Variants in ZNF667 observed in about 807,000 individuals in gnomAD.
ZNF667 encodes myocardial ischemic preconditioning upregulated 1 ortholog.
Under a neutral mutation model 31.8 loss-of-function variants are expected in ZNF667, and 13 were observed. The ratio of observed to expected loss-of-function variants is 0.41; its 90% CI spans 0.27 to 0.65. The LOEUF is 0.65. ZNF667 is among the 30% of genes least tolerant of loss of function. ZNF667 has a pLI of 0.32. For synonymous variants in ZNF667, 228 were observed against 247.1 expected, an observed-to-expected ratio of 0.92 and a Z score of 0.73; for missense variants, 642 against 725.6, an observed-to-expected ratio of 0.88 and a Z score of 1.32.
At chr19:56,473,248 G>A (rs2043331080) in intron 2 of ZNF667, among the ~76,000 whole-genome samples, 2 of 152,356 alleles carry the variant, frequency 1.3e-5, no homozygotes, top group Non-Finnish European at 2.9e-5. Flanking sequence ...TGTGGACTTA[G>A]ACACTCTATG....
chr19:56,460,543 G>T lies in ZNF667; in HGVS notation c.160+146C>A. On this transcript the variant is annotated intron_variant, in intron 5 of 6. Coordinates refer to ENST00000504904, the MANE Select transcript of ZNF667 (RefSeq NM_001321356.2). ...ACCATTTAATTGTGTACTTTTTATGGGTGAATTGTATAGTATGTGAATTAT... is the reference window on the plus strand; with the variant it reads ...ACCATTTAATTGTGTACTTTTTATGTGTGAATTGTATAGTATGTGAATTAT... 4 of 808,964 alleles carry T rather than the reference G, an allele frequency of 4.9e-6. No homozygotes were observed. In the South Asian group the frequency reaches 9.4e-5, roughly 19 times the overall value. 50.1% of individuals were successfully genotyped at this position (808,964 alleles called of 1,614,324 possible). A position where few individuals can be genotyped will look rare whatever the true frequency, so the allele number is the denominator to read the frequency against.
At chr19:56,467,322 G>A (rs1217630906) in intron 3 of ZNF667, among the ~76,000 whole-genome samples, 1 of 152,106 alleles carries the variant, frequency 6.6e-6, no homozygotes, top group Non-Finnish European at 1.5e-5. Context: ...CACAGCAAAA[G>A]GAACTTTGCA....
chr19:56,464,355 G>A (rs893431692), intron 3 of ZNF667, among the ~76,000 whole-genome samples: 2 of 152,094 alleles, frequency 1.3e-5, no homozygotes, highest in African/African-American at 4.8e-5. Context: ...TTAGCTGAGT[G>A]TGGTGGTGTG....
chr19:56,444,557 A>T (rs2042686215), intron 6 of ZNF667, among the ~76,000 whole-genome samples: 1 of 132,412 alleles, frequency 7.6e-6, no homozygotes, highest in African/African-American at 2.9e-5. Flanking sequence ...ATCACCTCCC[A>T]CCAGACCCCA....
Position 56,440,702 on chromosome 19 carries a change from T to C in ZNF667, c.*460A>G, listed in dbSNP as rs1009904407. 1 of 682,508 alleles carries C rather than the reference T, an allele frequency of 1.5e-6. No individual in the cohort carries two copies. Among genetic ancestry groups the C allele is most frequent in the Non-Finnish European group, 1.8e-6 (1 of 551,002 alleles). The allele number at this position is 682,508 out of a possible 1,614,324, so 42.3% of individuals were successfully genotyped here. On this transcript the variant is annotated 3_prime_UTR_variant, in exon 7 of 7. Coordinates refer to ENST00000504904, the MANE Select transcript of ZNF667 (RefSeq NM_001321356.2). ...CCCAGACTGGAGTGCAGTGGTGCAA[T>C]CTCTGCTCGGTGCAACCCCCACCTC...
In ZNF667 at chr19:56,442,162, T is replaced by C; in HGVS notation, c.833A>G (p.Lys278Arg). Residue 278 changes from lysine (K) to arginine (R), a missense_variant, in exon 7 of 7, where the codon AAG becomes AGG. Physicochemically the swap from Lys to Arg is conservative, Grantham distance 26 (BLOSUM62 2). Transcript: ENST00000504904. Reference protein sequence around the residue: ...LLLHKKIHNGKKTHKYNKCGR... With the variant: ...LLLHKKIHNGRKTHKYNKCGR... ...ACATTTATTATATTTATGTGTTTTC[T>C]TTCCATTGTGAATTTTCTTATGAAG... 6.2e-7 allele frequency: 1 copy of C among 1,613,660 alleles called. No individual in the cohort carries two copies. The highest frequency in any genetic ancestry group is 8.5e-7 in the Non-Finnish European group (1 of 1,179,840).
chr19:56,460,906 AC>A, intron 4 of ZNF667, 91 bp from the exon 5 acceptor site: 1 of 1,329,142 alleles, frequency 7.5e-7, no homozygotes. Flanking sequence ...CATGGGAGAC[AC>A]AAGGTACCAA....
chr19:56,466,229 A>C (rs2043156541), intron 3 of ZNF667, among the ~76,000 whole-genome samples: 1 of 152,168 alleles, frequency 6.6e-6, no homozygotes, highest in South Asian at 2.1e-4. Flanking sequence ...GGCTGTAATA[A>C]ATCATTAGCT....
intron 6 of ZNF667, among the ~76,000 whole-genome samples, 180 bp downstream of exon 6, chr19:56,457,975 T>G (rs2042968653): frequency 6.6e-6 from 1 of 152,204 alleles, no homozygotes; most frequent in African/African-American, 2.4e-5. Context: ...AGGTGCCACC[T>G]ATGAACCAGA....
chr19:56,442,897 C>T, intron 6 of ZNF667, 156 bp from the exon 7 acceptor site: 1 of 1,019,188 alleles, frequency 9.8e-7, no homozygotes, highest in Non-Finnish European at 1.3e-6. Context: ...GATGACTATA[C>T]TAAAGGCTTT....
intron 3 of ZNF667, chr19:56,468,259 A>T (rs895657221): frequency 1.3e-5 from 2 of 152,246 alleles, no homozygotes; most frequent in Non-Finnish European, 2.9e-5. Context: ...TGGACAGAGG[A>T]CACACAGAAC....
intron 1 of ZNF667, chr19:56,475,323 CG>C (rs1309531434): frequency 8.5e-5 from 13 of 152,180 alleles, no homozygotes; most frequent in African/African-American, 3.1e-4. Flanking sequence ...GGAGCTTACC[CG>C]GGCTGCAGGC....
At chr19:56,462,474 G>A in intron 3 of ZNF667, 45 bp from the exon 4 acceptor site, 1 of 1,284,582 alleles carries the variant, frequency 7.8e-7, no homozygotes, top group Non-Finnish European at 1.1e-6. Context: ...GAGTCCACAG[G>A]CCCCTACCTA....
chr19:56,462,481 C>T, intron 3 of ZNF667, 52 bp from the exon 4 acceptor site: 1 of 1,131,444 alleles, frequency 8.8e-7, no homozygotes, highest in Admixed American at 1.7e-5. Flanking sequence ...CAGGCCCCTA[C>T]CTAACCTGGA....
chr19:56,440,279 T>C lies in ZNF667; in HGVS notation c.*883A>G, dbSNP rs2042575787. 1 of 152,244 alleles carries C rather than the reference T, an allele frequency of 6.6e-6. No homozygotes were observed. Among genetic ancestry groups the C allele is most frequent in the African/African-American group, 2.4e-5 (1 of 41,464 alleles). 9.4% of individuals were successfully genotyped at this position (152,244 alleles called of 1,614,324 possible). A position where few individuals can be genotyped will look rare whatever the true frequency, so the allele number is the denominator to read the frequency against. On this transcript the variant is annotated 3_prime_UTR_variant, in exon 7 of 7. Transcript: ENST00000504904. ...ATTCTTCACTATATCTTGGTTCTTT[T>C]ACTGATAGCTTGTCTCAGCCAAGTT...
chr19:56,473,765 AT>A (rs773655705), intron 2 of ZNF667, among the ~76,000 whole-genome samples: 31 of 152,252 alleles, frequency 2.0e-4, no homozygotes, highest in Non-Finnish European at 3.5e-4. Flanking sequence ...AAATGGTATT[AT>A]AAGGGCAAAA....
At position 56,441,377 on chromosome 19, in the gene ZNF667, T is replaced by C. The variant is rs12610019; in HGVS notation, c.1618A>G (p.Thr540Ala). The change falls in exon 7 of 7, where the codon ACA becomes GCA. Residue 540 changes from threonine (T) to alanine (A), a missense_variant. Thr to Ala is a moderately conservative substitution (Grantham distance 58). Coordinates refer to ENST00000504904, the MANE Select transcript of ZNF667 (RefSeq NM_001321356.2). The surrounding 1 kb of genome is among the most constrained non-coding windows in gnomAD (Gnocchi z 4.2). ...KTCGKAFSQR[T>A]SLILHERSHT... is the part of the protein sequence containing the mutation. ...CTTCTTTCATGTAGAATAAGAGATG[T>C]GCGCTGACTAAAGGCCTTACCACAT... 7.4e-6 allele frequency: 12 copies of C among 1,614,152 alleles called. No individual in the cohort carries two copies. The East Asian group carries it at 1.8e-4, about 24-fold the overall frequency.
chr19:56,457,994 C>A (rs2042968832), intron 6 of ZNF667, among the ~76,000 whole-genome samples, 161 bp downstream of exon 6: 1 of 152,228 alleles, frequency 6.6e-6, no homozygotes, highest in Non-Finnish European at 1.5e-5. Flanking sequence ...GAAAGCAGTC[C>A]TCACCAGACA....
chr19:56,448,394 AGGCAG>A (rs2042749638), intron 6 of ZNF667, among the ~76,000 whole-genome samples: 1 of 152,142 alleles, frequency 6.6e-6, no homozygotes, highest in Non-Finnish European at 1.5e-5. Flanking sequence ...TAAATCTGAA[AGGCAG>A]TCTAGGCCAC....
Sources: gnomAD v4.1 joint callset for allele counts (sites outside exome capture counted in the v4.1 genomes callset) on GRCh38, gnomAD v4.1.1 for gene constraint, Gnocchi (gnomAD v3.1) non-coding constraint, MANE v1.5 for transcripts, NCBI Gene and HGNC (gene_info 2026-07-23, HGNC 2026-07-21) for gene names.